ING1: variants seen among roughly 807,000 people sequenced by gnomAD.
ING1 encodes inhibitor of growth family member 1, also known as inhibitor of growth protein 1.
Under a neutral mutation model 23.1 loss-of-function variants are expected in ING1, and 4 were observed. The observed-to-expected ratio is 0.17, with a 90% CI of 0.09 to 0.40. The LOEUF is 0.40. Ranked by LOEUF, ING1 falls within the 10% of genes least tolerant of loss-of-function variation. The probability of loss-of-function intolerance (pLI) is 1.00; values close to 1 mark genes in which losing one functional copy is unlikely to be tolerated. For missense variants in ING1, 256 were observed against 393.8 expected (o/e 0.65, Z 2.96); for synonymous variants, 179 against 166.4 (o/e 1.08, Z -0.58).
At chr13:110,712,927 G>A, upstream of ING1, 2 of 1,556,380 alleles carry the variant, frequency 1.3e-6, no homozygotes, top group Non-Finnish European at 1.7e-6. Context: ...GGATGGCGCA[G>A]GCGCGGGAGC....
chr13:110,715,829 C>A (rs771180079), intron 1 of ING1: 69 of 1,588,192 alleles, frequency 4.3e-5, no homozygotes, highest in Non-Finnish European at 5.6e-5. Context: ...CCCCTCTCCC[C>A]GCTCAGCCCG....
At chr13:110,712,875 C>G, upstream of ING1, 2 of 1,376,834 alleles carry the variant, frequency 1.5e-6, no homozygotes, top group Non-Finnish European at 2.0e-6. Context: ...CAAGCCGTTC[C>G]AAACTGAGTA....
rs1467408918 is a variant in ING1, at chr13:110,720,640, T to C, written c.*708T>C. ...TTTCCAAATGAACTTGCACTTGTTATATTATAATTGGAAGTGCAGTCAGCA... is the reference window on the plus strand; with the variant it reads ...TTTCCAAATGAACTTGCACTTGTTACATTATAATTGGAAGTGCAGTCAGCA... On this transcript the variant is annotated 3_prime_UTR_variant, in exon 2 of 2. Transcript: ENST00000333219. The C allele has an allele frequency of 1.2e-5, 2 of 167,086 alleles. No homozygotes were observed. Among genetic ancestry groups the C allele is most frequent in the Non-Finnish European group, 2.9e-5 (2 of 68,118 alleles). The allele number at this position is 167,086 out of a possible 1,614,324, so 10.4% of individuals were successfully genotyped here.
chr13:110,715,297 A>G (rs1299028777), intron 1 of ING1: 5 of 1,380,750 alleles, frequency 3.6e-6, no homozygotes, highest in Admixed American at 3.2e-5. Context: ...AAAAAAATTG[A>G]CCGCTATCCC....
chr13:110,718,057 T>C (rs979121237), intron 1 of ING1, among the ~76,000 whole-genome samples: 1 of 152,226 alleles, frequency 6.6e-6, no homozygotes, highest in Admixed American at 6.5e-5. Context: ...AATTACACTT[T>C]AAAATCATAT....
chr13:110,722,202 A>T lies in ING1; in HGVS notation c.*2270A>T, dbSNP rs753025997. ...ACTTTTTACATATCAATACTTACAA[A>T]TAGGTGTTTATTTTCCCACAAAACT... On this transcript the variant is annotated 3_prime_UTR_variant, in exon 2 of 2. Coordinates refer to ENST00000333219, the MANE Select transcript of ING1 (RefSeq NM_198219.3). The T allele has an allele frequency of 2.6e-5, 4 of 152,194 alleles. No homozygotes were observed. Among genetic ancestry groups the T allele is most frequent in the Non-Finnish European group, 4.4e-5 (3 of 68,028 alleles). 9.4% of individuals were successfully genotyped at this position (152,194 alleles called of 1,614,324 possible). A position where few individuals can be genotyped will look rare whatever the true frequency, so the allele number is the denominator to read the frequency against.
At chr13:110,715,593 A>T in intron 1 of ING1, 1 of 1,613,738 alleles carries the variant, frequency 6.2e-7, no homozygotes, top group East Asian at 2.2e-5. Flanking sequence ...TGGAGGGTGG[A>T]CGAGTTGATT....
At chr13:110,713,573 C>CA, upstream of ING1, 4 of 985,996 alleles carry the variant, frequency 4.1e-6, no homozygotes, top group South Asian at 1.8e-4. Flanking sequence ...CCGCAGCCCC[C>CA]AGGGCCTGGG....
At chr13:110,712,715 C>T (rs1244347871), upstream of ING1, 1 of 693,786 alleles carries the variant, frequency 1.4e-6, no homozygotes, top group Admixed American at 2.0e-5. Flanking sequence ...TGTGGGCGGC[C>T]TTTCCAAGTG....
rs2064160615 is a variant in ING1 at position 110,720,208 on chromosome 13, G to A, written c.*276G>A. 9 of 271,160 alleles carry A rather than the reference G, an allele frequency of 3.3e-5. No individual in the cohort carries two copies. In the South Asian group the frequency reaches 1.4e-3, roughly 41 times the overall value. 16.8% of individuals were successfully genotyped at this position (271,160 alleles called of 1,614,324 possible). A position where few individuals can be genotyped will look rare whatever the true frequency, so the allele number is the denominator to read the frequency against. ...CTCAGACTGATTTCTTGCGGGAGGAGGGGGACTAAACTCAACCTAACACAT... is the reference window on the plus strand; with the variant it reads ...CTCAGACTGATTTCTTGCGGGAGGAAGGGGACTAAACTCAACCTAACACAT... On this transcript the variant is annotated 3_prime_UTR_variant, in exon 2 of 2. Coordinates refer to ENST00000333219, the MANE Select transcript of ING1 (RefSeq NM_198219.3).
In ING1 at chr13:110,714,257, G is replaced by T; in HGVS notation, c.108G>T (p.Leu36=). 6.3e-7 allele frequency: 1 copy of T among 1,575,116 alleles called. No homozygotes were observed. Among genetic ancestry groups the T allele is most frequent in the Non-Finnish European group, 8.6e-7 (1 of 1,162,534 alleles). Residue 36 remains leucine, a synonymous_variant, in exon 1 of 2, where the codon CTG becomes CTT. Coordinates refer to ENST00000333219, the MANE Select transcript of ING1 (RefSeq NM_198219.3). ...LPFDLQRNVS[L]MREIDAKYQE... ...TCGACTTGCAGAGAAATGTCTCGCT[G>T]ATGCGGGAGATCGACGCGAAATACC...
At position 110,715,852 on chromosome 13, in the gene ING1, C is replaced by T. The variant is rs777638071; in HGVS notation, c.136+1567C>T. The stretch of plus-strand genomic sequence containing the variant: ...CCCGCTCAGCCCGGCCACTTTCGGG[C>T]GCGGATTTATAGCAGTAGCAGTGAT... On this transcript the variant is annotated intron_variant, in intron 1 of 1. Coordinates refer to ENST00000333219, the MANE Select transcript of ING1 (RefSeq NM_198219.3). 29 of 1,594,424 alleles carry T rather than the reference C, an allele frequency of 1.8e-5. No individual in the cohort carries two copies. The South Asian group carries it at 2.9e-4, about 16-fold the overall frequency.
upstream of ING1, chr13:110,713,537 C>G (rs1470145956): frequency 2.0e-6 from 2 of 986,088 alleles, no homozygotes; most frequent in Non-Finnish European, 2.4e-6. Context: ...GGCAAGGCCA[C>G]GCCCCCGCGA....
Position 110,714,298 on chromosome 13 carries a change from G to A in ING1, c.136+13G>A. 6.5e-7 allele frequency: 1 copy of A among 1,547,206 alleles called. No homozygotes were observed. The highest frequency in any genetic ancestry group is 1.2e-5 in the South Asian group (1 of 85,196). ...GCGAAATACCAAGGTACGGCCGGGT[G>A]ATGGATGGGCGGGGGCGGCCGCCTC... is the stretch of plus-strand genomic sequence containing the variant. On this transcript the variant is annotated intron_variant, in intron 1 of 1. Coordinates refer to ENST00000333219, the MANE Select transcript of ING1 (RefSeq NM_198219.3).
At chr13:110,715,816 C>G in intron 1 of ING1, 1 of 1,585,334 alleles carries the variant, frequency 6.3e-7, no homozygotes, top group Non-Finnish European at 8.5e-7. Flanking sequence ...GGTGTCGCCC[C>G]GGCCCCTCTC....
rs2064162736 is a variant in ING1 at position 110,720,406 on chromosome 13, AAAGTTTGAAGATTATT to A, written c.*475_*490del. 1 of 167,104 alleles carries A rather than the reference AAAGTTTGAAGATTATT, an allele frequency of 6.0e-6. No homozygotes were observed. Among genetic ancestry groups the A allele is most frequent in the African/African-American group, 2.4e-5 (1 of 41,452 alleles). The allele number at this position is 167,104 out of a possible 1,614,324, so 10.4% of individuals were successfully genotyped here. A position where few individuals can be genotyped will look rare whatever the true frequency, so the allele number is the denominator to read the frequency against. On this transcript the variant is annotated 3_prime_UTR_variant, in exon 2 of 2. Coordinates refer to ENST00000333219, the MANE Select transcript of ING1 (RefSeq NM_198219.3). Reference sequence around the variant, plus strand: ...TATAACAATTCAGTAACAAAGGTTTAAAGTTTGAAGATTATTTTTTAAAAAGGTAAATGGTTAAATT... The same window carrying A: ...TATAACAATTCAGTAACAAAGGTTTATTTTAAAAAGGTAAATGGTTAAATT...
Position 110,720,014 on chromosome 13 carries a change from G to A in ING1, c.*82G>A. The stretch of plus-strand genomic sequence containing the variant: ...TGCTGCCTTTGTTGAGGTGCAAGGA[G>A]TGTAAAATGTATATTTTTAAAGAAT... On this transcript the variant is annotated 3_prime_UTR_variant, in exon 2 of 2. Coordinates refer to ENST00000333219, the MANE Select transcript of ING1 (RefSeq NM_198219.3). The A allele has an allele frequency of 1.0e-6, 1 of 957,160 alleles. No homozygotes were observed. Among genetic ancestry groups the A allele is most frequent in the Non-Finnish European group, 1.5e-6 (1 of 657,344 alleles). 59.3% of individuals were successfully genotyped at this position (957,160 alleles called of 1,614,324 possible).
Position 110,719,251 on chromosome 13 carries a change from G to A in ING1, c.159G>A (p.Glu53=). 6.2e-7 allele frequency: 1 copy of A among 1,613,258 alleles called. No homozygotes were observed. The highest frequency in any genetic ancestry group is 8.5e-7 in the Non-Finnish European group (1 of 1,179,960). ...CAGAGATCCTGAAGGAGCTAGACGA[G>A]TGCTACGAGCGCTTCAGTCGCGAGA... The part of the protein sequence containing the change: ...KYQEILKELD[E]CYERFSRETD... The change falls in exon 2 of 2, where the codon GAG becomes GAA. Residue 53 remains glutamate, a synonymous_variant. Transcript: ENST00000333219. This position sits in a 1 kb window ranked among gnomAD's most constrained non-coding sequence, Gnocchi z 8.9.
At chr13:110,713,377 GCGTTT>G, upstream of ING1, 1 of 1,046,712 alleles carries the variant, frequency 9.6e-7, no homozygotes, top group Non-Finnish European at 1.2e-6. Flanking sequence ...CCGCTCCCCT[GCGTTT>G]CCCAGCGGGC....
Sources: gnomAD v4.1 joint callset for allele counts (sites outside exome capture counted in the v4.1 genomes callset) on GRCh38, gnomAD v4.1.1 for gene constraint, Gnocchi (gnomAD v3.1) non-coding constraint, MANE v1.5 for transcripts, NCBI Gene and HGNC (gene_info 2026-07-23, HGNC 2026-07-21) for gene names.